The following CNTNAP3 variants were observed in gnomAD, a reference collection of about 807,000 sequenced individuals.
CNTNAP3 encodes the protein contactin-associated protein-like 3.
In CNTNAP3, 36 loss-of-function variants were observed where a neutral mutation model predicts 92.1. That is an observed-to-expected ratio of 0.39 (90% CI 0.30 to 0.52). The LOEUF (loss-of-function observed/expected upper bound fraction) is 0.52. CNTNAP3 is among the 20% of genes least tolerant of loss of function. The probability of loss-of-function intolerance (pLI) is 0.76; values close to 1 mark genes in which losing one functional copy is unlikely to be tolerated. For synonymous variants in CNTNAP3, 232 were observed against 422.3 expected (o/e 0.55, Z 5.53); for missense variants, 534 against 1,069.6 (o/e 0.50, Z 6.98).
At chr9:39,144,086 T>C (rs1478053357) in intron 11 of CNTNAP3, among the ~76,000 whole-genome samples, 154 bp downstream of exon 11, 2 of 152,206 alleles carry the variant, frequency 1.3e-5, no homozygotes, top group Non-Finnish European at 2.9e-5. Flanking sequence ...TTGTATTAAA[T>C]AAGGTGGATT....
intron 14 of CNTNAP3, among the ~76,000 whole-genome samples, chr9:39,115,608 A>T (rs1820837326): frequency 6.6e-6 from 1 of 151,606 alleles, no homozygotes; most frequent in Admixed American, 6.6e-5. Context: ...TAAATAAAAT[A>T]AGGTTAAAAA....
chr9:39,081,288 C>G (rs1825926459), intron 21 of CNTNAP3, among the ~76,000 whole-genome samples: 1 of 151,502 alleles, frequency 6.6e-6, no homozygotes, highest in South Asian at 2.1e-4. Flanking sequence ...GATACAGTTT[C>G]CTGTCTATTA....
At chr9:39,102,422 A>G in intron 17 of CNTNAP3, 75 bp downstream of exon 17, 2 of 1,560,982 alleles carry the variant, frequency 1.3e-6, no homozygotes, top group Non-Finnish European at 1.7e-6. Context: ...TGCTCTCAGT[A>G]CATCACAGTT....
intron 23 of CNTNAP3, among the ~76,000 whole-genome samples, chr9:39,075,983 T>C (rs1184399362): frequency 6.6e-6 from 1 of 152,298 alleles, no homozygotes; most frequent in African/African-American, 2.4e-5. Context: ...CAAATATTAA[T>C]TTATATCTTC....
intron 13 of CNTNAP3, among the ~76,000 whole-genome samples, chr9:39,125,393 G>A (rs534372213): frequency 6.6e-5 from 10 of 152,114 alleles, no homozygotes; most frequent in Non-Finnish European, 1.3e-4. Context: ...AGCATTAGGA[G>A]ATATAGCTAA....
chr9:39,090,788 C>T (rs1826178042), intron 18 of CNTNAP3, among the ~76,000 whole-genome samples: 1 of 152,304 alleles, frequency 6.6e-6, no homozygotes, highest in Admixed American at 6.5e-5. Flanking sequence ...CTTTAGAGAA[C>T]ACTGGTATTT....
Position 39,073,727 on chromosome 9 carries a change from C to A in CNTNAP3, c.*163G>T. ...AGGCTCCGAGGCTGCAGGTCTTCAG[C>A]CAGGTGACAGCACTGCACCTGCTTG... On this transcript the variant is annotated 3_prime_UTR_variant, in exon 24 of 24. Transcript: ENST00000297668. 7 of 1,557,970 alleles carry A rather than the reference C, an allele frequency of 4.5e-6. No homozygotes were observed. The highest frequency in any genetic ancestry group is 6.1e-6 in the Non-Finnish European group (7 of 1,148,192).
chr9:39,119,567 C>A (rs940853126), intron 13 of CNTNAP3, among the ~76,000 whole-genome samples: 2 of 152,102 alleles, frequency 1.3e-5, no homozygotes, highest in African/African-American at 4.8e-5. Context: ...TCCTAATGTA[C>A]AAGTGTAAAT....
chr9:39,151,569 AT>A (rs1454327914), intron 9 of CNTNAP3, among the ~76,000 whole-genome samples: 3 of 136,418 alleles, frequency 2.2e-5, no homozygotes, highest in Non-Finnish European at 3.2e-5. Context: ...ATAAAAAAAA[AT>A]AAATAAATAA....
At chr9:39,145,694 A>G (rs1267288975) in intron 10 of CNTNAP3, among the ~76,000 whole-genome samples, 1 of 136,086 alleles carries the variant, frequency 7.3e-6, no homozygotes, top group African/African-American at 2.6e-5. Flanking sequence ...CCATAATTAC[A>G]TGGTGTTAAT....
In CNTNAP3 at chr9:39,174,398, T is replaced by C. The variant is rs1822293937; in HGVS notation, c.1071+1551A>G. The C allele has an allele frequency of 1.8e-4, 115 of 640,516 alleles. 1 individual carries two copies. In the South Asian group the frequency reaches 1.8e-3, roughly 10 times the overall value. 39.7% of individuals were successfully genotyped at this position (640,516 alleles called of 1,614,324 possible). Reference sequence around the variant, plus strand: ...CATCTTTTTTTTTTTTTTTCTCCTTTACCTTCTTGGAAAGTTCATGGGCTT... The same window carrying C: ...CATCTTTTTTTTTTTTTTTCTCCTTCACCTTCTTGGAAAGTTCATGGGCTT... On this transcript the variant is annotated intron_variant, in intron 7 of 23. Coordinates refer to ENST00000297668, the MANE Select transcript of CNTNAP3 (RefSeq NM_033655.5).
chr9:39,136,272 A>G (rs1821434248), intron 12 of CNTNAP3, among the ~76,000 whole-genome samples: 1 of 152,046 alleles, frequency 6.6e-6, no homozygotes, highest in Non-Finnish European at 1.5e-5. Context: ...TCTGCACTTA[A>G]AATTTACTTA....
chr9:39,135,762 C>T (rs1024135337), intron 12 of CNTNAP3, among the ~76,000 whole-genome samples: 12 of 152,022 alleles, frequency 7.9e-5, no homozygotes, highest in African/African-American at 2.9e-4. Flanking sequence ...AACACAATGC[C>T]TATTTTATAA....
At chr9:39,151,310 T>A (rs1448630434) in intron 9 of CNTNAP3, among the ~76,000 whole-genome samples, 1 of 146,810 alleles carries the variant, frequency 6.8e-6, no homozygotes, top group Non-Finnish European at 1.5e-5. Flanking sequence ...AACCCAGCAC[T>A]TTGGGAGGCC....
At chr9:39,109,700 A>G (rs899194333) in intron 14 of CNTNAP3, among the ~76,000 whole-genome samples, 12 of 152,182 alleles carry the variant, frequency 7.9e-5, no homozygotes, top group African/African-American at 2.9e-4. Flanking sequence ...TTCTTAGCTC[A>G]CTGCCATGCA....
intron 13 of CNTNAP3, among the ~76,000 whole-genome samples, chr9:39,131,729 G>A: frequency 6.6e-6 from 1 of 152,180 alleles, no homozygotes; most frequent in East Asian, 1.9e-4. Context: ...GGGAGGCTGA[G>A]GCAGGAGAAT....
At position 39,144,127 on chromosome 9, in the gene CNTNAP3, A is replaced by C. The variant is rs1319513081; in HGVS notation, c.1756+113T>G. On this transcript the variant is annotated intron_variant, in intron 11 of 23. Transcript: ENST00000297668. ...TAAACTAGAAATTGAGTGCTGAAAT[A>C]TCTCTTCTGATGTGTTTGCATGATT... The C allele has an allele frequency of 1.1e-5, 15 of 1,403,862 alleles. 1 individual carries two copies. The East Asian group carries it at 2.5e-4, about 24-fold the overall frequency. 87.0% of individuals were successfully genotyped at this position (1,403,862 alleles called of 1,614,324 possible). A position where few individuals can be genotyped will look rare whatever the true frequency, so the allele number is the denominator to read the frequency against.
chr9:39,132,198 A>C (rs1821310131), intron 13 of CNTNAP3, among the ~76,000 whole-genome samples: 1 of 152,076 alleles, frequency 6.6e-6, no homozygotes, highest in Admixed American at 6.5e-5. Flanking sequence ...TTTAACTATA[A>C]TTAGCAATAA....
chr9:39,107,804 A>G (rs1313523187), intron 15 of CNTNAP3, among the ~76,000 whole-genome samples: 1 of 152,336 alleles, frequency 6.6e-6, no homozygotes, highest in Middle Eastern at 3.4e-3. Flanking sequence ...CAAATGAAAC[A>G]AAGTATTCAA....
Sources: gnomAD v4.1 joint callset for allele counts (sites outside exome capture counted in the v4.1 genomes callset) on GRCh38, gnomAD v4.1.1 for gene constraint, MANE v1.5 for transcripts, NCBI Gene and HGNC (gene_info 2026-07-23, HGNC 2026-07-21) for gene names.